The following TBC1D1 variants were observed in gnomAD, a reference collection of about 807,000 sequenced individuals.
The protein encoded by TBC1D1 is TBC1 (tre-2/USP6, BUB2, cdc16) domain family, member 1.
TBC1D1 carries 89 observed loss-of-function variants against 125.6 expected under a neutral mutation model. That is an observed-to-expected ratio of 0.71 (90% CI 0.60 to 0.85). The LOEUF (loss-of-function observed/expected upper bound fraction) is 0.85, where lower values mean the gene tolerates loss of function less well. Among genes scored for constraint, TBC1D1 ranks in the 40% least tolerant of loss-of-function variants. The pLI is 0.00. For synonymous variants in TBC1D1, 565 were observed against 564.1 expected (o/e 1.00, Z -0.02); for missense variants, 1,377 against 1,469.2 (o/e 0.94, Z 1.03).
chr4:38,121,190 A>G (rs1045544388), intron 17 of TBC1D1, among the ~76,000 whole-genome samples: 1 of 152,176 alleles, frequency 6.6e-6, no homozygotes, highest in Non-Finnish European at 1.5e-5. Flanking sequence ...CGTTACTCAT[A>G]GAATGTAGCG....
chr4:38,008,081 G>A (rs928253759), intron 2 of TBC1D1, among the ~76,000 whole-genome samples: 1 of 152,218 alleles, frequency 6.6e-6, no homozygotes, highest in Non-Finnish European at 1.5e-5. Flanking sequence ...GCACATTTGA[G>A]TTGAGAATCA....
intron 9 of TBC1D1, among the ~76,000 whole-genome samples, chr4:38,045,317 A>G (rs1351542965): frequency 3.9e-5 from 6 of 152,156 alleles, no homozygotes; most frequent in Non-Finnish European, 7.3e-5. Flanking sequence ...TTATTTTTTA[A>G]TTAAGGAAAG....
At chr4:38,103,878 G>A (rs73134623) in intron 15 of TBC1D1, among the ~76,000 whole-genome samples, 5,536 of 152,244 alleles carry the variant, frequency 0.036, 351 homozygotes, top group African/African-American at 0.13. Context: ...GGGAGGATGT[G>A]GCCGGGCACA....
intron 2 of TBC1D1, among the ~76,000 whole-genome samples, chr4:37,924,813 T>C (rs1239075226): frequency 6.6e-6 from 1 of 152,246 alleles, no homozygotes; most frequent in Non-Finnish European, 1.5e-5. Context: ...TTGGCTACTG[T>C]GAATAATGCT....
At chr4:37,989,673 A>G (rs1190915559) in intron 2 of TBC1D1, among the ~76,000 whole-genome samples, 1 of 152,258 alleles carries the variant, frequency 6.6e-6, no homozygotes, top group East Asian at 1.9e-4. Context: ...GAACAAGAGC[A>G]AACTGCTTTC....
At chr4:38,011,985 A>T (rs1428720493) in intron 2 of TBC1D1, among the ~76,000 whole-genome samples, 2 of 152,226 alleles carry the variant, frequency 1.3e-5, no homozygotes, top group African/African-American at 4.8e-5. Context: ...TTTGATACAT[A>T]ATGAAAGACA....
intron 2 of TBC1D1, among the ~76,000 whole-genome samples, chr4:38,013,463 C>G (rs1379698347): frequency 6.6e-6 from 1 of 152,054 alleles, no homozygotes; most frequent in Admixed American, 6.5e-5. Flanking sequence ...TTGAATTTTC[C>G]TTATATAGAA....
intron 16 of TBC1D1, among the ~76,000 whole-genome samples, chr4:38,116,198 GGCCCAGTCACACA>G (rs1370858034): frequency 2.0e-5 from 3 of 152,068 alleles, no homozygotes; most frequent in Admixed American, 2.0e-4. Flanking sequence ...TTATAAATTG[GGCCCAGTCACACA>G]GCTAGCAAGT....
At chr4:38,128,851 T>C (rs1242963811) in intron 18 of TBC1D1, among the ~76,000 whole-genome samples, 1 of 152,156 alleles carries the variant, frequency 6.6e-6, no homozygotes, top group Non-Finnish European at 1.5e-5. Context: ...TTGGGAATAA[T>C]TAGTAACAAA....
At chr4:37,964,260 CAG>C (rs1560539585) in intron 2 of TBC1D1, among the ~76,000 whole-genome samples, 1 of 152,230 alleles carries the variant, frequency 6.6e-6, no homozygotes, top group Admixed American at 6.5e-5. Context: ...TTTGTTGGCA[CAG>C]AGAGGCCGTG....
At chr4:38,040,824 C>G (rs980392163) in intron 8 of TBC1D1, among the ~76,000 whole-genome samples, 4 of 152,148 alleles carry the variant, frequency 2.6e-5, no homozygotes, top group African/African-American at 9.7e-5. Context: ...TTCTGTGCAC[C>G]TCCCTGTGGC....
intron 16 of TBC1D1, 44 bp downstream of exon 18, chr4:38,115,998 A>G (rs765449410): frequency 1.5e-5 from 24 of 1,599,534 alleles, no homozygotes; most frequent in Non-Finnish European, 2.0e-5. Context: ...AAATGCTAAG[A>G]ATGTTTCTTA....
At chr4:38,057,627 G>A (rs759764036) in intron 12 of TBC1D1, among the ~76,000 whole-genome samples, 6 of 152,182 alleles carry the variant, frequency 3.9e-5, no homozygotes, top group Non-Finnish European at 7.3e-5. Context: ...AAAGAAAAAC[G>A]AGAATAAAAG....
intron 1 of TBC1D1, among the ~76,000 whole-genome samples, chr4:37,894,645 T>C (rs1714149727): frequency 6.6e-6 from 1 of 152,204 alleles, no homozygotes; most frequent in Non-Finnish European, 1.5e-5. Context: ...AATTTATACA[T>C]GCAAAGTGCT....
At chr4:38,063,969 T>C (rs1337777080) in intron 12 of TBC1D1, among the ~76,000 whole-genome samples, 3 of 152,212 alleles carry the variant, frequency 2.0e-5, no homozygotes, top group Non-Finnish European at 4.4e-5. Context: ...GAAAAAAACC[T>C]GTAGTTGTCA....
chr4:38,067,121 C>T (rs551480987), intron 12 of TBC1D1, among the ~76,000 whole-genome samples: 88 of 152,052 alleles, frequency 5.8e-4, no homozygotes, highest in Non-Finnish European at 4.4e-4. Flanking sequence ...GTGATCTGCC[C>T]GCCTCGGCCT....
At chr4:38,054,430 G>A (rs967764588) in intron 12 of TBC1D1, 92 bp downstream of exon 14, 24 of 1,525,234 alleles carry the variant, frequency 1.6e-5, no homozygotes, top group Admixed American at 1.1e-4. Flanking sequence ...GCAGAGCGCC[G>A]TCCTCTTCAG....
intron 2 of TBC1D1, among the ~76,000 whole-genome samples, chr4:37,980,892 G>C (rs1734206895): frequency 6.6e-6 from 1 of 152,060 alleles, no homozygotes; most frequent in Non-Finnish European, 1.5e-5. Flanking sequence ...CCTTTAAAAA[G>C]TGTGCACCCT....
chr4:37,962,541 C>T (rs148698080), intron 2 of TBC1D1, among the ~76,000 whole-genome samples: 20 of 152,216 alleles, frequency 1.3e-4, no homozygotes, highest in African/African-American at 4.8e-4. Flanking sequence ...TGTTTACTGC[C>T]ATATTTATGT....
Sources: gnomAD v4.1 joint callset for allele counts (sites outside exome capture counted in the v4.1 genomes callset) on GRCh38, gnomAD v4.1.1 for gene constraint, MANE v1.5 for transcripts, NCBI Gene and HGNC (gene_info 2026-07-23, HGNC 2026-07-21) for gene names.